Variants in PCDHA3 observed in about 807,000 individuals in gnomAD.
The protein encoded by PCDHA3 is protocadherin alpha 3, also known as protocadherin alpha-3.
Under a neutral mutation model 62.2 loss-of-function variants are expected in PCDHA3, and 41 were observed. That is an observed-to-expected ratio of 0.66 (90% CI 0.51 to 0.86). The LOEUF is 0.86. PCDHA3 is among the 40% of genes least tolerant of loss of function. The pLI, the probability that PCDHA3 is intolerant of heterozygous loss-of-function variation, is 0.00. For missense variants in PCDHA3, 1,304 were observed against 1,241.2 expected (o/e 1.05, Z -0.76); for synonymous variants, 640 against 555.4 (o/e 1.15, Z -2.14).
intron 1 of PCDHA3, among the ~76,000 whole-genome samples, chr5:140,892,990 G>T (rs782084236): frequency 1.3e-5 from 2 of 152,164 alleles, no homozygotes; most frequent in African/African-American, 2.4e-5. Context: ...GTATAAGTGA[G>T]AACATGTATT....
At position 141,010,430 on chromosome 5, in the gene PCDHA3, A is replaced by T; in HGVS notation, c.*493A>T. On this transcript the variant is annotated 3_prime_UTR_variant, in exon 4 of 4. Transcript: ENST00000522353. ...CTAATTGGTACAAGGAAGGCAAGAA[A>T]ACAAAGACAAATAAACAGCGGAAGT... 9.4e-7 allele frequency: 1 copy of T among 1,058,474 alleles called. No homozygotes were observed. Among genetic ancestry groups the T allele is most frequent in the Non-Finnish European group, 1.3e-6 (1 of 756,992 alleles). 65.6% of individuals were successfully genotyped at this position (1,058,474 alleles called of 1,614,324 possible). A position where few individuals can be genotyped will look rare whatever the true frequency, so the allele number is the denominator to read the frequency against.
intron 1 of PCDHA3, among the ~76,000 whole-genome samples, chr5:140,954,197 G>T (rs2153701837): frequency 6.6e-6 from 1 of 152,270 alleles, no homozygotes; most frequent in Non-Finnish European, 1.5e-5. Context: ...ATGGGCATTT[G>T]GGTTGATCCC....
intron 1 of PCDHA3, among the ~76,000 whole-genome samples, chr5:140,901,442 T>G (rs1490397176): frequency 6.6e-6 from 1 of 152,206 alleles, no homozygotes; most frequent in Non-Finnish European, 1.5e-5. Flanking sequence ...GATATCTAGT[T>G]TCCCAGCACA....
intron 1 of PCDHA3, chr5:140,881,384 G>T (rs1299609025): frequency 2.0e-6 from 2 of 984,186 alleles, no homozygotes; most frequent in Non-Finnish European, 2.4e-6. Flanking sequence ...GCCGGCGGCG[G>T]TAAGTTAAAT....
intron 1 of PCDHA3, chr5:140,809,377 C>T (rs370062696): frequency 7.9e-5 from 128 of 1,613,896 alleles, no homozygotes; most frequent in Non-Finnish European, 9.8e-5. Context: ...CCACCGAGGG[C>T]GCGTGCGCTC....
intron 1 of PCDHA3, among the ~76,000 whole-genome samples, chr5:140,935,973 A>C (rs956262031): frequency 1.3e-5 from 2 of 150,786 alleles, no homozygotes; most frequent in Admixed American, 1.3e-4. Flanking sequence ...GCTCACTGCA[A>C]TCTCTGCCTC....
chr5:140,937,039 C>CTTTTT, intron 1 of PCDHA3, among the ~76,000 whole-genome samples: 1 of 140,166 alleles, frequency 7.1e-6, no homozygotes, highest in Non-Finnish European at 1.5e-5. Flanking sequence ...TTCCATTTAT[C>CTTTTT]TTTTTTTTTT....
At chr5:140,871,523 G>T in intron 1 of PCDHA3, 1 of 1,546,536 alleles carries the variant, frequency 6.5e-7, no homozygotes, top group Non-Finnish European at 8.7e-7. Context: ...CCACCTATCA[G>T]GAAGTGTATG....
chr5:141,000,421 A>AT lies in PCDHA3; in HGVS notation c.2543-9183dup, dbSNP rs34755515. Reference sequence around the variant, plus strand: ...TATATATATATATATATATATATATATTTTTTTTTTTTTTTTTTTTTTTGA... The same window carrying AT: ...TATATATATATATATATATATATATATTTTTTTTTTTTTTTTTTTTTTTTGA... On this transcript the variant is annotated intron_variant, in intron 3 of 3. Transcript: ENST00000522353. 8.6e-3 allele frequency among the ~76,000 whole-genome samples: 241 copies of AT among 27,996 alleles called. 11 individuals carry two copies. The highest frequency in any genetic ancestry group is 9.4e-3 in the African/African-American group (53 of 5,644). The allele number at this position is 27,996 out of a possible 152,430, so 18.4% of individuals were successfully genotyped here.
chr5:140,935,561 T>C (rs1184981109), intron 1 of PCDHA3, among the ~76,000 whole-genome samples: 3 of 152,218 alleles, frequency 2.0e-5, no homozygotes, highest in African/African-American at 7.2e-5. Context: ...TTGGAAAAGT[T>C]CCTCTCTGTG....
intron 1 of PCDHA3, chr5:140,803,851 T>C (rs1410462680): frequency 1.0e-5 from 6 of 593,694 alleles, no homozygotes; most frequent in African/African-American, 3.7e-5. Flanking sequence ...TATTGCTAAA[T>C]GCCTGGGTAT....
chr5:140,964,133 G>A (rs2095812042), intron 1 of PCDHA3, among the ~76,000 whole-genome samples: 1 of 152,182 alleles, frequency 6.6e-6, no homozygotes, highest in African/African-American at 2.4e-5. Context: ...AACTAGTAAG[G>A]TTGGCAGGAG....
intron 1 of PCDHA3, chr5:140,843,171 G>C: frequency 6.3e-7 from 1 of 1,596,072 alleles, no homozygotes; most frequent in Non-Finnish European, 8.6e-7. Context: ...GCTGCAAGCA[G>C]CCCTCGCATC....
intron 1 of PCDHA3, chr5:140,804,887 C>T: frequency 3.1e-6 from 2 of 638,802 alleles, no homozygotes; most frequent in Non-Finnish European, 4.9e-6. Context: ...GACTCCTCTC[C>T]TTCCCCTCAC....
At chr5:140,905,990 G>A (rs569951946) in intron 1 of PCDHA3, among the ~76,000 whole-genome samples, 5 of 152,280 alleles carry the variant, frequency 3.3e-5, no homozygotes, top group Admixed American at 1.3e-4. Flanking sequence ...GAAAGATGTA[G>A]GCTGGGAGGC....
At chr5:140,901,474 T>C (rs2068694853) in intron 1 of PCDHA3, among the ~76,000 whole-genome samples, 1 of 152,216 alleles carries the variant, frequency 6.6e-6, no homozygotes, top group Admixed American at 6.5e-5. Context: ...CTCGAGTTTA[T>C]GTTCTTGGCA....
At chr5:141,004,919 T>A (rs144687292) in intron 3 of PCDHA3, among the ~76,000 whole-genome samples, 2 of 152,264 alleles carry the variant, frequency 1.3e-5, no homozygotes, top group East Asian at 3.9e-4. Flanking sequence ...GGAAAAGGGT[T>A]TGGAAGAGAG....
At chr5:140,956,925 G>GA (rs1487375223) in intron 1 of PCDHA3, among the ~76,000 whole-genome samples, 1 of 151,858 alleles carries the variant, frequency 6.6e-6, no homozygotes, top group Non-Finnish European at 1.5e-5. Context: ...AATCTTGCTG[G>GA]ATATAGGATA....
chr5:140,857,878 G>A (rs2044977263), intron 1 of PCDHA3: 5 of 1,597,814 alleles, frequency 3.1e-6, no homozygotes, highest in East Asian at 4.5e-5. Context: ...CGTATGAATT[G>A]CAGTCGGCGG....
Sources: gnomAD v4.1 joint callset for allele counts (sites outside exome capture counted in the v4.1 genomes callset) on GRCh38, gnomAD v4.1.1 for gene constraint, MANE v1.5 for transcripts, NCBI Gene and HGNC (gene_info 2026-07-23, HGNC 2026-07-21) for gene names.